The following CYLC1 variants were observed in gnomAD, a reference collection of about 807,000 sequenced individuals.
CYLC1 encodes cylicin-1.
Under a neutral mutation model 31.6 loss-of-function variants are expected in CYLC1, and 2 were observed. That is an observed-to-expected ratio of 0.06 (90% CI 0.03 to 0.20). CYLC1 has a LOEUF of 0.20. CYLC1 is among the 10% of genes least tolerant of loss of function. The pLI, the probability that CYLC1 is intolerant of heterozygous loss-of-function variation, is 1.00. For synonymous variants in CYLC1, 185 were observed against 153.0 expected (o/e 1.21, Z -1.54); for missense variants, 595 against 424.1 (o/e 1.40, Z -3.54).
At position 83,873,808 on chromosome X, in the gene CYLC1, C is replaced by T. The variant is rs773565320; in HGVS notation, c.1100C>T (p.Pro367Leu). The T allele has an allele frequency of 2.5e-6, 3 of 1,189,722 alleles. No individual in the cohort carries two copies. Among genetic ancestry groups the T allele is most frequent in the Middle Eastern group, 2.3e-4 (1 of 4,278 alleles). ...AAGAAAAAGGACACAAAGAAGTACC[C>T]AGAGTCTACTGATACTGAATCAGGA... ...DDKKKDTKKY[P>L]ESTDTESGDA... The change falls in exon 4 of 5, where the codon CCA (proline) becomes CTA (leucine). Residue 367 changes from proline (P) to leucine (L), a missense_variant. Physicochemically the swap from Pro to Leu is moderately conservative, Grantham distance 98. Coordinates refer to ENST00000329312, the MANE Select transcript of CYLC1 (RefSeq NM_021118.3).
chrX:83,864,892 T>C (rs2031571089), intron 1 of CYLC1, among the ~76,000 whole-genome samples: 1 of 111,041 alleles, frequency 9.0e-6, no homozygotes, highest in Non-Finnish European at 1.9e-5. Flanking sequence ...CTGTTGCTGG[T>C]TTCTCTTTAC....
chrX:83,874,764 T>A, intron 4 of CYLC1, 133 bp downstream of exon 4: 1 of 706,221 alleles, frequency 1.4e-6, no homozygotes, highest in Non-Finnish European at 2.0e-6. Flanking sequence ...GACTCGAAGG[T>A]AAGAAAAATA....
At position 83,868,918 on chromosome X, in the gene CYLC1, C is replaced by G. The variant is rs1181994229; in HGVS notation, c.18-947C>G. 5.4e-5 allele frequency among the ~76,000 whole-genome samples: 6 copies of G among 110,714 alleles called. No homozygotes were observed. The East Asian group carries it at 1.7e-3, about 31-fold the overall frequency. On this transcript the variant is annotated intron_variant, in intron 1 of 4. Coordinates refer to ENST00000329312, the MANE Select transcript of CYLC1 (RefSeq NM_021118.3). ...AGCTAGAATCACTAGACAGTAATCACAAAAACATTTAAAAATTATTGGGAT... is the reference window on the plus strand; with the variant it reads ...AGCTAGAATCACTAGACAGTAATCAGAAAAACATTTAAAAATTATTGGGAT...
chrX:83,881,068 T>A (rs1001440028), intron 4 of CYLC1, among the ~76,000 whole-genome samples: 1 of 111,171 alleles, frequency 9.0e-6, no homozygotes, highest in African/African-American at 3.3e-5. Context: ...GACTAAATAA[T>A]CAGAAAACCC....
Position 83,873,635 on chromosome X carries a change from T to C in CYLC1, c.927T>C (p.Asp309=), listed in dbSNP as rs747840913. 8.4e-7 allele frequency: 1 copy of C among 1,193,594 alleles called. No homozygotes were observed. The highest frequency in any genetic ancestry group is 3.0e-5 in the East Asian group (1 of 33,532). The change falls in exon 4 of 5, where the codon GAT becomes GAC. Residue 309 remains aspartate (D), a synonymous_variant. Coordinates refer to ENST00000329312, the MANE Select transcript of CYLC1 (RefSeq NM_021118.3). ...ESEDSKDAKK[D]SKKVKKNVKK... ...AAGACTCAAAGGATGCTAAGAAAGA[T>C]TCAAAGAAAGTTAAGAAAAATGTCA...
intron 4 of CYLC1, among the ~76,000 whole-genome samples, chrX:83,876,112 A>G (rs1392470384): frequency 9.0e-6 from 1 of 110,662 alleles, no homozygotes; most frequent in East Asian, 2.8e-4. Flanking sequence ...AACTTTACAT[A>G]TGTACATCAA....
In CYLC1 at chrX:83,873,115, G is replaced by T. The variant is rs773438086; in HGVS notation, c.407G>T (p.Gly136Val). The T allele has an allele frequency of 3.3e-6, 4 of 1,195,132 alleles. No homozygotes were observed. The Admixed American group carries it at 7.0e-5, about 21-fold the overall frequency. Residue 136 changes from glycine (G) to valine (V), a missense_variant, in exon 4 of 5, where the codon GGT becomes GTT. Coordinates refer to ENST00000329312, the MANE Select transcript of CYLC1 (RefSeq NM_021118.3). ...PLKKDSKKKG[G>V]SYATNPESKQ... ...AAGAAAGATTCCAAGAAAAAAGGAG[G>T]TTCATATGCAACAAATCCAGAATCC...
intron 4 of CYLC1, among the ~76,000 whole-genome samples, 176 bp from the exon 5 acceptor site, chrX:83,886,376 G>C (rs1306447574): frequency 1.8e-5 from 2 of 111,174 alleles, no homozygotes; most frequent in African/African-American, 6.5e-5. Flanking sequence ...TGGTAGGTCT[G>C]GGGTGGAGAC....
At chrX:83,880,166 G>A (rs2031889238) in intron 4 of CYLC1, among the ~76,000 whole-genome samples, 1 of 111,415 alleles carries the variant, frequency 9.0e-6, no homozygotes, top group South Asian at 3.7e-4. Context: ...TAGCTTTCAT[G>A]TCTATTAATT....
At chrX:83,883,193 T>C (rs902893538) in intron 4 of CYLC1, among the ~76,000 whole-genome samples, 97 of 111,553 alleles carry the variant, frequency 8.7e-4, no homozygotes, top group African/African-American at 2.7e-3. Context: ...AACACTTATA[T>C]TGCTCTCTAT....
At chrX:83,881,514 A>C (rs999406564) in intron 4 of CYLC1, among the ~76,000 whole-genome samples, 3 of 109,261 alleles carry the variant, frequency 2.7e-5, no homozygotes, top group African/African-American at 1.0e-4. Context: ...TATGAGGCTA[A>C]CTAGATAGTA....
In CYLC1 at chrX:83,874,230, G is replaced by T; in HGVS notation, c.1522G>T (p.Asp508Tyr). 1 of 1,207,527 alleles carries T rather than the reference G, an allele frequency of 8.3e-7. No individual in the cohort carries two copies. Among genetic ancestry groups the T allele is most frequent in the South Asian group, 1.8e-5 (1 of 56,651 alleles). The change falls in exon 4 of 5, where the codon GAT becomes TAT. Residue 508 changes from aspartate to tyrosine, a missense_variant. Coordinates refer to ENST00000329312, the MANE Select transcript of CYLC1 (RefSeq NM_021118.3). The stretch of plus-strand genomic sequence containing the variant: ...AAAGGAAAAGAAAGGTTCAAAGAAA[G>T]ATATCAAGAAGGATGCAAGAAAGGA... ...HSKEKKGSKK[D>Y]IKKDARKDTE...
Position 83,873,181 on chromosome X carries a change from C to A in CYLC1, c.473C>A (p.Ala158Glu). The A allele has an allele frequency of 8.3e-7, 1 of 1,205,111 alleles. No individual in the cohort carries two copies. The highest frequency in any genetic ancestry group is 2.3e-4 in the Middle Eastern group (1 of 4,315). Residue 158 changes from alanine (A) to glutamate (E), a missense_variant, in exon 4 of 5, where the codon GCA becomes GAA. Physicochemically the swap from Ala to Glu is moderately radical, Grantham distance 107 (BLOSUM62 -1). Transcript: ENST00000329312. ...VEEKTKRQNE[A>E]DKTPLKSSHE... is the part of the protein sequence containing the mutation. Reference sequence around the variant, plus strand: ...GAGAAAACTAAAAGACAAAATGAGGCAGATAAAACTCCCTTAAAATCATCA... The same window carrying A: ...GAGAAAACTAAAAGACAAAATGAGGAAGATAAAACTCCCTTAAAATCATCA...
chrX:83,873,807 C>G lies in CYLC1; in HGVS notation c.1099C>G (p.Pro367Ala). 1 of 1,185,807 alleles carries G rather than the reference C, an allele frequency of 8.4e-7. No homozygotes were observed. The highest frequency in any genetic ancestry group is 1.1e-6 in the Non-Finnish European group (1 of 879,308). ...DDKKKDTKKY[P>A]ESTDTESGDA... ...CAAGAAAAAGGACACAAAGAAGTAC[C>G]CAGAGTCTACTGATACTGAATCAGG... The change falls in exon 4 of 5, where the codon CCA (proline) becomes GCA (alanine). Residue 367 changes from proline (P) to alanine (A), a missense_variant. Physicochemically the swap from Pro to Ala is conservative, Grantham distance 27. Coordinates refer to ENST00000329312, the MANE Select transcript of CYLC1 (RefSeq NM_021118.3).
At chrX:83,862,915 A>T (rs768076991) in intron 1 of CYLC1, among the ~76,000 whole-genome samples, 1 of 111,582 alleles carries the variant, frequency 9.0e-6, no homozygotes, top group South Asian at 3.8e-4. Context: ...TGAACCCAAA[A>T]ATGCAATAAA....
intron 1 of CYLC1, among the ~76,000 whole-genome samples, chrX:83,863,466 T>C (rs185439973): frequency 9.0e-6 from 1 of 111,389 alleles, no homozygotes; most frequent in Non-Finnish European, 1.9e-5. Context: ...AGCACAAATA[T>C]TTCCTTGCAT....
chrX:83,872,781 C>A, intron 3 of CYLC1, 105 bp from the exon 4 acceptor site: 1 of 634,022 alleles, frequency 1.6e-6, no homozygotes, highest in Non-Finnish European at 2.2e-6. Flanking sequence ...GAGAAAAAAA[C>A]TAAGTTTAAA....
intron 4 of CYLC1, among the ~76,000 whole-genome samples, chrX:83,876,218 C>A (rs1253345538): frequency 9.1e-6 from 1 of 110,448 alleles, no homozygotes; most frequent in Non-Finnish European, 1.9e-5. Flanking sequence ...TCCCAGCAGA[C>A]CCCAAAACTC....
At chrX:83,877,730 C>T (rs1446467090) in intron 4 of CYLC1, among the ~76,000 whole-genome samples, 2 of 104,118 alleles carry the variant, frequency 1.9e-5, no homozygotes, top group Admixed American at 2.3e-4. Flanking sequence ...CACCACTATG[C>T]AGTCACCCTC....
Sources: allele counts gnomAD v4.1 joint callset (sites outside exome capture counted in the v4.1 genomes callset), GRCh38; gene constraint gnomAD v4.1.1; transcripts MANE v1.5; gene names NCBI Gene and HGNC (gene_info 2026-07-23, HGNC 2026-07-21).